The following C14orf39 variants were observed in gnomAD, a reference collection of about 807,000 sequenced individuals.
C14orf39 encodes protein SIX6OS1.
In C14orf39, 66 loss-of-function variants were observed where a neutral mutation model predicts 85.6. The ratio of observed to expected loss-of-function variants is 0.77; its 90% CI spans 0.63 to 0.95. The LOEUF is 0.95. Among genes scored for constraint, C14orf39 ranks in the 40% least tolerant of loss-of-function variants. C14orf39 has a pLI of 0.00. For missense variants in C14orf39, 735 were observed against 663.9 expected (o/e 1.11, Z -1.18); for synonymous variants, 242 against 214.0 (o/e 1.13, Z -1.14).
intron 2 of C14orf39, chr14:60,495,020 T>C (rs539970363): frequency 7.6e-4 from 138 of 182,008 alleles, no homozygotes; most frequent in South Asian, 1.8e-3. Context: ...ATGGCCACAC[T>C]GGTAAATTTC....
intron 13 of C14orf39, 140 bp downstream of exon 13, chr14:60,461,214 G>A: frequency 1.6e-6 from 1 of 617,694 alleles, no homozygotes; most frequent in East Asian, 2.8e-5. Flanking sequence ...TATATTTAGG[G>A]AAGATGTATT....
intron 1 of C14orf39, chr14:60,510,058 A>T (rs1893267542): frequency 8.4e-7 from 1 of 1,185,078 alleles, no homozygotes. Context: ...GTCCCTGGCG[A>T]CTCCAATTCA....
chr14:60,474,665 G>GT (rs1426174049), intron 5 of C14orf39, among the ~76,000 whole-genome samples: 1 of 151,906 alleles, frequency 6.6e-6, no homozygotes, highest in Non-Finnish European at 1.5e-5. Flanking sequence ...TAATCATGTG[G>GT]TTTTTGTTGT....
intron 2 of C14orf39, among the ~76,000 whole-genome samples, chr14:60,493,139 G>A (rs1007695818): frequency 5.6e-4 from 85 of 152,100 alleles, no homozygotes; most frequent in African/African-American, 1.9e-3. Context: ...TTGGGGCTTC[G>A]AATGAACTGT....
intron 2 of C14orf39, chr14:60,495,100 C>A: frequency 8.2e-6 from 2 of 243,280 alleles, no homozygotes; most frequent in South Asian, 6.0e-5. Flanking sequence ...CTTCAAGTTG[C>A]CTTTGGTAGA....
chr14:60,443,955 C>T (rs1890644070), intron 16 of C14orf39, among the ~76,000 whole-genome samples: 1 of 152,134 alleles, frequency 6.6e-6, no homozygotes, highest in Admixed American at 6.5e-5. Context: ...AGCTGAGGGG[C>T]CTGACTGTTA....
chr14:60,451,293 G>T (rs540774257), intron 16 of C14orf39, among the ~76,000 whole-genome samples: 1 of 152,192 alleles, frequency 6.6e-6, no homozygotes, highest in African/African-American at 2.4e-5. Flanking sequence ...ATTCCTCAAG[G>T]ATCTAGAACT....
chr14:60,500,929 T>C (rs1400215943), intron 1 of C14orf39, among the ~76,000 whole-genome samples: 5 of 151,690 alleles, frequency 3.3e-5, no homozygotes, highest in Admixed American at 2.6e-4. Context: ...ATGAGGACAA[T>C]ACATGAGAAA....
At chr14:60,500,324 G>A (rs753213988) in intron 1 of C14orf39, among the ~76,000 whole-genome samples, 1 of 152,196 alleles carries the variant, frequency 6.6e-6, no homozygotes, top group Admixed American at 6.5e-5. Context: ...ACCACGCCTG[G>A]CTGGGAATGA....
At chr14:60,513,432 A>C (rs911810343) in intron 1 of C14orf39, among the ~76,000 whole-genome samples, 2 of 152,226 alleles carry the variant, frequency 1.3e-5, no homozygotes, top group Admixed American at 1.3e-4. Context: ...AGTGCAAGGC[A>C]CATGAGATTG....
At chr14:60,511,339 C>A in intron 1 of C14orf39, 1 of 1,471,074 alleles carries the variant, frequency 6.8e-7, no homozygotes, top group African/African-American at 1.4e-5. Flanking sequence ...GAGAGACCTG[C>A]AAATCCAGCG....
chr14:60,476,139 C>T (rs1426223786), intron 5 of C14orf39, among the ~76,000 whole-genome samples: 1 of 152,316 alleles, frequency 6.6e-6, no homozygotes, highest in East Asian at 1.9e-4. Flanking sequence ...CCTCTAAACG[C>T]ATATTTGCTA....
chr14:60,475,053 TATTA>T (rs1368846727), intron 5 of C14orf39, among the ~76,000 whole-genome samples: 1 of 152,334 alleles, frequency 6.6e-6, no homozygotes, highest in African/African-American at 2.4e-5. Context: ...GTTGGTAAAC[TATTA>T]ATTATTTCCT....
intron 13 of C14orf39, 62 bp from the exon 14 acceptor site, chr14:60,458,801 G>A: frequency 2.2e-6 from 3 of 1,384,366 alleles, no homozygotes; most frequent in Non-Finnish European, 3.0e-6. Context: ...ATAAAACATA[G>A]TCTCGCCATT....
At position 60,436,814 on chromosome 14, in the gene C14orf39, A is replaced by T. The variant is rs1890269630; in HGVS notation, c.*31T>A. On this transcript the variant is annotated 3_prime_UTR_variant, in exon 18 of 18. Coordinates refer to ENST00000321731, the MANE Select transcript of C14orf39 (RefSeq NM_174978.3). ...ATTTATGCCCTCATGAACACAGAACAGTAAAATAATTTAAGGAATTAATGA... is the reference window on the plus strand; with the variant it reads ...ATTTATGCCCTCATGAACACAGAACTGTAAAATAATTTAAGGAATTAATGA... 5 of 1,463,590 alleles carry T rather than the reference A, an allele frequency of 3.4e-6. No individual in the cohort carries two copies. The South Asian group carries it at 6.0e-5, about 17-fold the overall frequency. The allele number at this position is 1,463,590 out of a possible 1,614,324, so 90.7% of individuals were successfully genotyped here. A position where few individuals can be genotyped will look rare whatever the true frequency, so the allele number is the denominator to read the frequency against.
At chr14:60,509,601 G>A in intron 1 of C14orf39, 5 of 1,613,392 alleles carry the variant, frequency 3.1e-6, no homozygotes, top group Non-Finnish European at 4.2e-6. Flanking sequence ...GGCAACTACC[G>A]CGAGCTCTAT....
chr14:60,486,909 T>G (rs1892905087), upstream of C14orf39, among the ~76,000 whole-genome samples: 1 of 152,254 alleles, frequency 6.6e-6, no homozygotes, highest in South Asian at 2.1e-4. Flanking sequence ...GTTTTGATAA[T>G]GTAACAATTT....
chr14:60,487,497 G>GTGTGTA (rs1031286998), upstream of C14orf39, among the ~76,000 whole-genome samples: 1 of 151,718 alleles, frequency 6.6e-6, no homozygotes, highest in African/African-American at 2.4e-5. Flanking sequence ...AAGTCCGTGT[G>GTGTGTA]TGTGTGTGTG....
Position 60,479,745 on chromosome 14 carries a change from C to T in C14orf39, c.234-1356G>A, listed in dbSNP as rs545608330. On this transcript the variant is annotated intron_variant, in intron 4 of 17. Coordinates refer to ENST00000321731, the MANE Select transcript of C14orf39 (RefSeq NM_174978.3). ...TTTAAAAAGCAAGTTGCAGACCTTG[C>T]TTTTTAAAAACCTTCCTTTACTGTT... Among the ~76,000 whole-genome samples the T allele has an allele frequency of 2.6e-5, 4 of 152,164 alleles. No individual in the cohort carries two copies. The East Asian group carries it at 5.8e-4, about 22-fold the overall frequency.
Sources: allele counts gnomAD v4.1 joint callset (sites outside exome capture counted in the v4.1 genomes callset), GRCh38; gene constraint gnomAD v4.1.1; transcripts MANE v1.5; gene names NCBI Gene and HGNC (gene_info 2026-07-23, HGNC 2026-07-21).